The following SNTG1 variants were observed in gnomAD, a reference collection of about 807,000 sequenced individuals.
SNTG1 encodes the protein syntrophin gamma 1, also known as gamma-1-syntrophin.
SNTG1 carries 39 observed loss-of-function variants against 74.7 expected under a neutral mutation model. The ratio of observed to expected loss-of-function variants is 0.52; its 90% CI spans 0.40 to 0.68. SNTG1 has a LOEUF of 0.68. Ranked by LOEUF, SNTG1 falls within the 30% of genes least tolerant of loss-of-function variation. The pLI is 0.00. For synonymous variants in SNTG1, 254 were observed against 217.1 expected (o/e 1.17, Z -1.49); for missense variants, 685 against 609.5 (o/e 1.12, Z -1.30).
intron 2 of SNTG1, among the ~76,000 whole-genome samples, chr8:50,273,226 G>A (rs1446536561): frequency 6.6e-6 from 1 of 152,098 alleles, no homozygotes; most frequent in Non-Finnish European, 1.5e-5. Context: ...GGAAATAAAA[G>A]CAGCCTTCAG....
At chr8:50,350,658 C>A (rs1474350001) in intron 2 of SNTG1, among the ~76,000 whole-genome samples, 1 of 152,032 alleles carries the variant, frequency 6.6e-6, no homozygotes, top group Non-Finnish European at 1.5e-5. Flanking sequence ...CACCCTGTGT[C>A]TAGCTCAGGG....
At chr8:50,648,870 AG>A (rs2095127109) in intron 13 of SNTG1, among the ~76,000 whole-genome samples, 1 of 152,100 alleles carries the variant, frequency 6.6e-6, no homozygotes, top group Admixed American at 6.6e-5. Flanking sequence ...TTATCCTGAA[AG>A]GCTTGATAAT....
At chr8:50,552,876 A>G (rs975499691) in intron 11 of SNTG1, among the ~76,000 whole-genome samples, 174 bp from the exon 12 acceptor site, 7 of 152,192 alleles carry the variant, frequency 4.6e-5, no homozygotes, top group African/African-American at 1.7e-4. Context: ...ATTTGGGTCT[A>G]TCTTCAGTGT....
intron 2 of SNTG1, among the ~76,000 whole-genome samples, chr8:50,317,604 G>T (rs942553646): frequency 6.6e-6 from 1 of 152,136 alleles, no homozygotes; most frequent in African/African-American, 2.4e-5. Flanking sequence ...TTGAATTAGA[G>T]CAATGCAAGT....
chr8:50,454,711 G>A (rs10957927), intron 8 of SNTG1, among the ~76,000 whole-genome samples: 98,008 of 151,008 alleles, frequency 0.65, 35,688 homozygotes, highest in East Asian at 0.85. Flanking sequence ...GCGTGGTGGC[G>A]CACGCCTGTA....
chr8:49,986,364 T>C (rs1813152938), intron 1 of SNTG1, among the ~76,000 whole-genome samples: 1 of 152,174 alleles, frequency 6.6e-6, no homozygotes, highest in Non-Finnish European at 1.5e-5. Context: ...CTCATATGAC[T>C]GGCCTGAATT....
rs2090232054 is a variant in SNTG1 at position 50,314,275 on chromosome 8, C to T, written c.-27-79937C>T. 1.3e-5 allele frequency among the ~76,000 whole-genome samples: 2 copies of T among 149,458 alleles called. 1 individual carries two copies. Among genetic ancestry groups the T allele is most frequent in the East Asian group, 4.0e-4 (2 of 5,020 alleles). On this transcript the variant is annotated intron_variant, in intron 2 of 18. Transcript: ENST00000642720. ...CTTGTTTTTTTTTAATTCCCTGGCTCATTTAAAGTTTTCCTTTTTATCTCT... is the reference window on the plus strand; with the variant it reads ...CTTGTTTTTTTTTAATTCCCTGGCTTATTTAAAGTTTTCCTTTTTATCTCT...
At chr8:50,607,605 T>C (rs1174660539) in intron 13 of SNTG1, among the ~76,000 whole-genome samples, 2 of 151,612 alleles carry the variant, frequency 1.3e-5, no homozygotes, top group African/African-American at 4.8e-5. Flanking sequence ...TTGTAATTTA[T>C]CAGTCAACAT....
chr8:50,623,312 A>G (rs1261417110), intron 13 of SNTG1, among the ~76,000 whole-genome samples: 1 of 152,104 alleles, frequency 6.6e-6, no homozygotes, highest in Non-Finnish European at 1.5e-5. Flanking sequence ...GGGTTGTTAT[A>G]CATGGCCTTT....
intron 2 of SNTG1, among the ~76,000 whole-genome samples, chr8:50,345,366 G>A (rs949057871): frequency 1.4e-4 from 21 of 152,080 alleles, no homozygotes; most frequent in African/African-American, 3.6e-4. Flanking sequence ...TAGTGCCTGC[G>A]AGTGGTCCAC....
Position 50,446,993 on chromosome 8 carries a change from TTATAA to T in SNTG1, c.220-2672_220-2668del, listed in dbSNP as rs577722184. Among the ~76,000 whole-genome samples, 432 of 152,276 alleles carry T rather than the reference TTATAA, an allele frequency of 2.8e-3. 2 individuals carry two copies. The highest frequency in any genetic ancestry group is 0.015 in the South Asian group (73 of 4,832). ...AACAATAACTAATAATAAAATGGAA[TTATAA>T]TAATACACTGTAATAAAAGTTATGT... is the stretch of plus-strand genomic sequence containing the variant. On this transcript the variant is annotated intron_variant, in intron 5 of 18. Coordinates refer to ENST00000642720, the MANE Select transcript of SNTG1 (RefSeq NM_018967.5).
At chr8:50,264,414 A>G (rs969951255) in intron 2 of SNTG1, among the ~76,000 whole-genome samples, 1 of 151,842 alleles carries the variant, frequency 6.6e-6, no homozygotes, top group Admixed American at 6.6e-5. Flanking sequence ...ATAAAAATAC[A>G]AAAAAATTAA....
rs1802805950 is a variant in SNTG1, at chr8:50,796,211, T to C, written c.*3382T>C. On this transcript the variant is annotated 3_prime_UTR_variant, in exon 19 of 19. Coordinates refer to ENST00000642720, the MANE Select transcript of SNTG1 (RefSeq NM_018967.5). ...TAGAATTACTGCTAGAAATCAGCAG[T>C]GTGGAGAAGCTTTAAAAGCACAAGG... is the stretch of plus-strand genomic sequence containing the variant. The C allele has an allele frequency of 6.6e-6, 1 of 152,068 alleles. No homozygotes were observed. The highest frequency in any genetic ancestry group is 1.5e-5 in the Non-Finnish European group (1 of 67,958). 9.4% of individuals were successfully genotyped at this position (152,068 alleles called of 1,614,324 possible).
chr8:50,583,455 G>GAAA (rs1336136361), intron 12 of SNTG1, among the ~76,000 whole-genome samples: 2 of 147,072 alleles, frequency 1.4e-5, no homozygotes, highest in Non-Finnish European at 3.0e-5. Context: ...TTATATGATA[G>GAAA]AAAATAACTA....
At chr8:50,204,589 C>T (rs1015150662) in intron 2 of SNTG1, among the ~76,000 whole-genome samples, 1 of 152,000 alleles carries the variant, frequency 6.6e-6, no homozygotes, top group Non-Finnish European at 1.5e-5. Flanking sequence ...TTTTATTATA[C>T]TTCAAGTTCT....
intron 17 of SNTG1, among the ~76,000 whole-genome samples, chr8:50,720,091 ATG>A (rs1215867840): frequency 1.3e-5 from 2 of 152,304 alleles, no homozygotes; most frequent in African/African-American, 4.8e-5. Flanking sequence ...CTGTTCTATT[ATG>A]TCCAGTTCAA....
intron 2 of SNTG1, among the ~76,000 whole-genome samples, chr8:50,306,284 T>C (rs1413057849): frequency 6.6e-6 from 1 of 152,094 alleles, no homozygotes; most frequent in African/African-American, 2.4e-5. Flanking sequence ...ATTTTCTTTA[T>C]TCATTCATTG....
At chr8:50,736,177 G>T (rs760000338) in intron 17 of SNTG1, among the ~76,000 whole-genome samples, 1 of 151,932 alleles carries the variant, frequency 6.6e-6, no homozygotes, top group Non-Finnish European at 1.5e-5. Context: ...ATACCAAATT[G>T]TAAAGGCCAT....
intron 1 of SNTG1, among the ~76,000 whole-genome samples, chr8:50,053,408 C>G (rs1819746058): frequency 6.6e-6 from 1 of 151,792 alleles, no homozygotes; most frequent in Non-Finnish European, 1.5e-5. Context: ...TATAAATAGA[C>G]TGGTGGTTTC....
Sources: gnomAD v4.1 joint callset for allele counts (sites outside exome capture counted in the v4.1 genomes callset) on GRCh38, gnomAD v4.1.1 for gene constraint, MANE v1.5 for transcripts, NCBI Gene and HGNC (gene_info 2026-07-23, HGNC 2026-07-21) for gene names.